PPP1R13B: variants seen among roughly 807,000 people sequenced by gnomAD.
PPP1R13B encodes protein phosphatase 1 regulatory subunit 13B, also known as apoptosis-stimulating of p53 protein 1.
In PPP1R13B, 44 loss-of-function variants were observed where a neutral mutation model predicts 119.8. The ratio of observed to expected loss-of-function variants is 0.37; its 90% CI spans 0.29 to 0.47. PPP1R13B has a LOEUF of 0.47. Ranked by LOEUF, PPP1R13B falls within the 20% of genes least tolerant of loss-of-function variation. PPP1R13B has a pLI of 0.99. For synonymous variants in PPP1R13B, 542 were observed against 561.5 expected, an observed-to-expected ratio of 0.97 and a Z score of 0.49; for missense variants, 1,227 against 1,413.5, an observed-to-expected ratio of 0.87 and a Z score of 2.12.
In PPP1R13B at chr14:103,845,314, T is replaced by A. The variant is rs757902031; in HGVS notation, c.9+1985A>T. The stretch of plus-strand genomic sequence containing the variant: ...AATTTACAACCAACTCCAACTGTGT[T>A]AATAGAGGAAGGACTCAGTCCTACA... On this transcript the variant is annotated intron_variant, in intron 1 of 16. Coordinates refer to ENST00000202556, the MANE Select transcript of PPP1R13B (RefSeq NM_015316.3). 1.3e-3 allele frequency among the ~76,000 whole-genome samples: 195 copies of A among 152,248 alleles called. 4 individuals carry two copies. The highest frequency in any genetic ancestry group is 6.2e-4 in the South Asian group (3 of 4,820).
intron 1 of PPP1R13B, among the ~76,000 whole-genome samples, chr14:103,812,811 G>A (rs1192128486): frequency 1.2e-4 from 19 of 152,262 alleles, no homozygotes; most frequent in South Asian, 2.1e-4. Flanking sequence ...AACATGTTCC[G>A]TATCATAGGT....
chr14:103,768,539 C>T (rs533364899), intron 4 of PPP1R13B, among the ~76,000 whole-genome samples: 25 of 150,902 alleles, frequency 1.7e-4, no homozygotes, highest in South Asian at 4.2e-4. Context: ...CCTTGTGATC[C>T]GCCTGCCTCA....
chr14:103,837,873 C>T (rs1415539160), intron 1 of PPP1R13B, among the ~76,000 whole-genome samples: 2 of 152,130 alleles, frequency 1.3e-5, no homozygotes, highest in African/African-American at 4.8e-5. Flanking sequence ...AATCCCAGCA[C>T]TTTGGGAGGC....
intron 4 of PPP1R13B, among the ~76,000 whole-genome samples, chr14:103,765,988 T>TATTATC: frequency 7.0e-6 from 1 of 143,082 alleles, no homozygotes; most frequent in Middle Eastern, 3.6e-3. Context: ...ATTTTTATTT[T>TATTATC]ATTATTATTA....
At chr14:103,832,587 G>GTT (rs1567159151) in intron 1 of PPP1R13B, among the ~76,000 whole-genome samples, 1 of 152,178 alleles carries the variant, frequency 6.6e-6, no homozygotes, top group Non-Finnish European at 1.5e-5. Context: ...CTTGACTATT[G>GTT]TAAGGGACTA....
chr14:103,831,456 G>A (rs923627088), intron 1 of PPP1R13B, among the ~76,000 whole-genome samples: 3 of 150,338 alleles, frequency 2.0e-5, no homozygotes, highest in Non-Finnish European at 3.0e-5. Context: ...ATTACAGGGC[G>A]CCTGTCACCA....
Position 103,741,644 on chromosome 14 carries a change from T to G in PPP1R13B, c.1822+146A>C, listed in dbSNP as rs1188578967. The G allele has an allele frequency of 2.8e-6, 3 of 1,073,858 alleles. No homozygotes were observed. In the East Asian group the frequency reaches 7.7e-5, roughly 28 times the overall value. 66.5% of individuals were successfully genotyped at this position (1,073,858 alleles called of 1,614,324 possible). A position where few individuals can be genotyped will look rare whatever the true frequency, so the allele number is the denominator to read the frequency against. On this transcript the variant is annotated intron_variant, in intron 11 of 16. Coordinates refer to ENST00000202556, the MANE Select transcript of PPP1R13B (RefSeq NM_015316.3). ...TCCAGCTTCCATTCCCTTCTCACAC[T>G]GACACCCAAGGCTGTACTTTTATGT... is the stretch of plus-strand genomic sequence containing the variant.
chr14:103,803,637 C>A (rs763338549), intron 1 of PPP1R13B, among the ~76,000 whole-genome samples: 1 of 151,718 alleles, frequency 6.6e-6, no homozygotes, highest in South Asian at 2.1e-4. Context: ...AGCGAGACTC[C>A]GTCTCAAAAA....
chr14:103,796,176 G>C (rs193153603), intron 2 of PPP1R13B, among the ~76,000 whole-genome samples: 2 of 152,120 alleles, frequency 1.3e-5, no homozygotes, highest in Admixed American at 6.6e-5. Context: ...CCAGCTACAC[G>C]AGAGGCTGAG....
At chr14:103,792,081 C>G (rs1296249690) in intron 2 of PPP1R13B, among the ~76,000 whole-genome samples, 1 of 151,294 alleles carries the variant, frequency 6.6e-6, no homozygotes, top group Non-Finnish European at 1.5e-5. Context: ...TTAAATATAC[C>G]AAGTCTGAAC....
In PPP1R13B at chr14:103,761,240, C is replaced by T. The variant is rs533091056; in HGVS notation, c.355-3489G>A. 3.0e-4 allele frequency among the ~76,000 whole-genome samples: 43 copies of T among 143,088 alleles called. 1 individual carries two copies. In the South Asian group the frequency reaches 9.4e-3, roughly 31 times the overall value. The allele number at this position is 143,088 out of a possible 152,430, so 93.9% of individuals were successfully genotyped here. A position where few individuals can be genotyped will look rare whatever the true frequency, so the allele number is the denominator to read the frequency against. The stretch of plus-strand genomic sequence containing the variant: ...AGTGAGCTGTGACTGCACCACTGCA[C>T]TCCAGCCTAGGGAACAGAGCAAGAC... On this transcript the variant is annotated intron_variant, in intron 4 of 16. Coordinates refer to ENST00000202556, the MANE Select transcript of PPP1R13B (RefSeq NM_015316.3).
intron 7 of PPP1R13B, among the ~76,000 whole-genome samples, chr14:103,752,335 G>C (rs1399849989): frequency 2.6e-5 from 4 of 152,136 alleles, no homozygotes; most frequent in Non-Finnish European, 5.9e-5. Flanking sequence ...GAGACAGAAA[G>C]TAGATCTGTG....
intron 4 of PPP1R13B, among the ~76,000 whole-genome samples, chr14:103,772,431 A>G (rs1450633746): frequency 1.3e-5 from 2 of 152,212 alleles, no homozygotes; most frequent in Non-Finnish European, 2.9e-5. Context: ...TCCAGATTAT[A>G]CCATTTTACA....
At chr14:103,785,192 T>C (rs2085429987) in intron 2 of PPP1R13B, among the ~76,000 whole-genome samples, 1 of 151,876 alleles carries the variant, frequency 6.6e-6, no homozygotes, top group African/African-American at 2.4e-5. Flanking sequence ...ACAAAACTTA[T>C]TTATCACAAA....
intron 4 of PPP1R13B, among the ~76,000 whole-genome samples, chr14:103,761,535 G>T (rs1234991688): frequency 1.3e-5 from 2 of 151,968 alleles, no homozygotes; most frequent in African/African-American, 2.4e-5. Context: ...AGGCCAAGGT[G>T]GGCGGATCAC....
intron 1 of PPP1R13B, among the ~76,000 whole-genome samples, chr14:103,820,652 ATTT>A (rs35928276): frequency 8.8e-5 from 9 of 102,584 alleles, no homozygotes; most frequent in African/African-American, 2.9e-4. Context: ...CATGCCCAGG[ATTT>A]TTTTTTTTTT....
In PPP1R13B at chr14:103,847,505, G is replaced by A. The variant is rs1368762823; in HGVS notation, c.-198C>T. The A allele has an allele frequency of 1.1e-5, 11 of 985,070 alleles. No individual in the cohort carries two copies. The highest frequency in any genetic ancestry group is 1.3e-5 in the Non-Finnish European group (11 of 830,822). 61.0% of individuals were successfully genotyped at this position (985,070 alleles called of 1,614,324 possible). The stretch of plus-strand genomic sequence containing the variant: ...GCGGCCGCCGGCGCGCTGCGTCGCT[G>A]TCCCGGGCACCCGGCCGCCGCCGCC... On this transcript the variant is annotated 5_prime_UTR_variant, in exon 1 of 17. Coordinates refer to ENST00000202556, the MANE Select transcript of PPP1R13B (RefSeq NM_015316.3).
At chr14:103,746,264 G>T in intron 9 of PPP1R13B, 109 bp downstream of exon 9, 1 of 1,081,348 alleles carries the variant, frequency 9.2e-7, no homozygotes, top group Non-Finnish European at 1.3e-6. Context: ...GGAGTCTGAC[G>T]ATGTGTGGGG....
At chr14:103,751,677 A>C (rs2084550526) in intron 7 of PPP1R13B, among the ~76,000 whole-genome samples, 1 of 152,134 alleles carries the variant, frequency 6.6e-6, no homozygotes, top group Admixed American at 6.5e-5. Flanking sequence ...GAGAGACTAC[A>C]ACTCTCTCTC....
Sources: allele counts gnomAD v4.1 joint callset (sites outside exome capture counted in the v4.1 genomes callset), GRCh38; gene constraint gnomAD v4.1.1; transcripts MANE v1.5; gene names NCBI Gene and HGNC (gene_info 2026-07-23, HGNC 2026-07-21).